ARFGEF1: variants seen among roughly 807,000 people sequenced by gnomAD.
ARFGEF1 encodes ARF guanine nucleotide exchange factor 1, also known as brefeldin A-inhibited guanine nucleotide-exchange protein 1.
Under a neutral mutation model 231.0 loss-of-function variants are expected in ARFGEF1, and 42 were observed. The ratio of observed to expected loss-of-function variants is 0.18; its 90% CI spans 0.14 to 0.24. The LOEUF (loss-of-function observed/expected upper bound fraction) is 0.24, where lower values mean the gene tolerates loss of function less well. Ranked by LOEUF, ARFGEF1 falls within the 10% of genes least tolerant of loss-of-function variation. ARFGEF1 has a pLI of 1.00. For synonymous variants in ARFGEF1, 710 were observed against 732.3 expected (o/e 0.97, Z 0.49); for missense variants, 1,345 against 2,192.0 (o/e 0.61, Z 7.72).
At chr8:67,266,405 C>T (rs1804854426) in intron 13 of ARFGEF1, among the ~76,000 whole-genome samples, 198 bp from the exon 14 acceptor site, 1 of 152,134 alleles carries the variant, frequency 6.6e-6, no homozygotes, top group Non-Finnish European at 1.5e-5. Flanking sequence ...GTATAGTCTG[C>T]ACCATTAGGA....
At chr8:67,338,158 TC>T (rs1227079976) in intron 1 of ARFGEF1, among the ~76,000 whole-genome samples, 1 of 152,152 alleles carries the variant, frequency 6.6e-6, no homozygotes, top group Non-Finnish European at 1.5e-5. Flanking sequence ...CAGCAAACAG[TC>T]CTCTGATCTC....
downstream of ARFGEF1, among the ~76,000 whole-genome samples, chr8:67,194,378 A>G (rs764812495): frequency 3.9e-5 from 6 of 152,186 alleles, no homozygotes; most frequent in Middle Eastern, 3.2e-3. Context: ...CTCATATACT[A>G]TCTATCTAGC....
At chr8:67,215,020 CA>C (rs1005906307) in intron 33 of ARFGEF1, among the ~76,000 whole-genome samples, 50 of 152,312 alleles carry the variant, frequency 3.3e-4, no homozygotes, top group African/African-American at 1.1e-3. Context: ...TGCTAAGTTT[CA>C]ACCTTGCTTA....
At chr8:67,337,846 T>A (rs989101341) in intron 1 of ARFGEF1, among the ~76,000 whole-genome samples, 4 of 152,182 alleles carry the variant, frequency 2.6e-5, no homozygotes, top group Admixed American at 1.3e-4. Flanking sequence ...CCCACTAGAA[T>A]GTGTGTTCTA....
intron 18 of ARFGEF1, 37 bp downstream of exon 18, chr8:67,253,414 C>A (rs1303420745): frequency 2.1e-6 from 3 of 1,435,724 alleles, no homozygotes; most frequent in South Asian, 1.3e-5. Context: ...TATTTTTCCC[C>A]TTGAACAATC....
intron 1 of ARFGEF1, among the ~76,000 whole-genome samples, chr8:67,324,587 T>C (rs1314826620): frequency 6.6e-6 from 1 of 152,226 alleles, no homozygotes; most frequent in Non-Finnish European, 1.5e-5. Flanking sequence ...CAATTATTCT[T>C]CCTTTGGGTT....
intron 5 of ARFGEF1, among the ~76,000 whole-genome samples, chr8:67,182,627 C>G (rs1833341058): frequency 6.6e-6 from 1 of 152,228 alleles, no homozygotes; most frequent in Non-Finnish European, 1.5e-5. Context: ...GTTCCGATTT[C>G]TCTACATCCT....
downstream of ARFGEF1, chr8:67,195,578 G>A (rs761243317): frequency 6.8e-6 from 11 of 1,613,878 alleles, no homozygotes; most frequent in Middle Eastern, 3.3e-4. Context: ...AGGGCCTGTC[G>A]ACTGCACATG....
intron 34 of ARFGEF1, chr8:67,207,045 G>A (rs1381354253): frequency 1.3e-5 from 2 of 151,966 alleles, no homozygotes; most frequent in Admixed American, 6.6e-5. Flanking sequence ...TCTATTTAAC[G>A]TTTAGTTCTT....
At position 67,343,608 on chromosome 8, in the gene ARFGEF1, G is replaced by T; in HGVS notation, c.-321C>A. Reference sequence around the variant, plus strand: ...TCCCTCCGGCCCTGGTGGCGGTGAGGGAGCCCGGCCCGGGCGGCTGTCTGC... The same window carrying T: ...TCCCTCCGGCCCTGGTGGCGGTGAGTGAGCCCGGCCCGGGCGGCTGTCTGC... On this transcript the variant is annotated 5_prime_UTR_variant, in exon 1 of 39. Transcript: ENST00000262215. 1 of 1,049,010 alleles carries T rather than the reference G, an allele frequency of 9.5e-7. No individual in the cohort carries two copies. Among genetic ancestry groups the T allele is most frequent in the Non-Finnish European group, 1.1e-6 (1 of 871,510 alleles). The allele number at this position is 1,049,010 out of a possible 1,614,324, so 65.0% of individuals were successfully genotyped here. A position where few individuals can be genotyped will look rare whatever the true frequency, so the allele number is the denominator to read the frequency against.
At chr8:67,320,535 G>T (rs1347236574) in intron 1 of ARFGEF1, among the ~76,000 whole-genome samples, 1 of 152,158 alleles carries the variant, frequency 6.6e-6, no homozygotes, top group Non-Finnish European at 1.5e-5. Flanking sequence ...GAAAACTTAA[G>T]TTTATGTAAA....
intron 26 of ARFGEF1, 25 bp downstream of exon 26, chr8:67,227,422 T>A: frequency 6.2e-7 from 1 of 1,607,392 alleles, no homozygotes; most frequent in Non-Finnish European, 8.5e-7. Context: ...TTTCCTTCTA[T>A]TAAGCAATTC....
chr8:67,218,301 C>T (rs996325184), intron 30 of ARFGEF1, among the ~76,000 whole-genome samples, 163 bp from the exon 31 acceptor site: 49 of 144,208 alleles, frequency 3.4e-4, no homozygotes, highest in Admixed American at 9.8e-4. Context: ...CCCTCTAGAA[C>T]GTTATATTCA....
In ARFGEF1 at chr8:67,339,559, C is replaced by G. The variant is rs541857892; in HGVS notation, c.124+3605G>C. Among the ~76,000 whole-genome samples the G allele has an allele frequency of 2.2e-4, 34 of 152,096 alleles. No homozygotes were observed. The South Asian group carries it at 4.2e-3, about 19-fold the overall frequency. On this transcript the variant is annotated intron_variant, in intron 1 of 38. Coordinates refer to ENST00000262215, the MANE Select transcript of ARFGEF1 (RefSeq NM_006421.5). The stretch of plus-strand genomic sequence containing the variant: ...CCTTCAAGCCCAATCCCACAACAAT[C>G]CTAAATTCTTTGAAACTAAAAATAG...
At chr8:67,236,491 G>C (rs1839774559) in intron 22 of ARFGEF1, among the ~76,000 whole-genome samples, 1 of 146,584 alleles carries the variant, frequency 6.8e-6, no homozygotes, top group African/African-American at 2.5e-5. Context: ...ACAACATTCT[G>C]CTCCAGAAAG....
chr8:67,303,733 A>AT (rs1178333688), intron 1 of ARFGEF1, among the ~76,000 whole-genome samples: 2 of 151,698 alleles, frequency 1.3e-5, no homozygotes, highest in Admixed American at 6.6e-5. Context: ...AAAAAAAATA[A>AT]TAATTAATTA....
At chr8:67,296,654 C>CTTT in intron 4 of ARFGEF1, 44 bp from the exon 5 acceptor site, 12 of 1,168,910 alleles carry the variant, frequency 1.0e-5, no homozygotes, top group Admixed American at 5.8e-5. Context: ...TTTTCTTTTT[C>CTTT]TTTTTTTTTT....
chr8:67,219,414 A>T lies in ARFGEF1; in HGVS notation c.4338+17T>A. The T allele has an allele frequency of 6.2e-7, 1 of 1,601,382 alleles. No homozygotes were observed. Among genetic ancestry groups the T allele is most frequent in the Non-Finnish European group, 8.5e-7 (1 of 1,175,892 alleles). On this transcript the variant is annotated intron_variant, in intron 30 of 38. Transcript: ENST00000262215. ...TTTAACTTGACTAAGCTAAATGAAA[A>T]TTGTGTATCCTCTTACCTCTGTCTG...
intron 4 of ARFGEF1, among the ~76,000 whole-genome samples, chr8:67,298,900 G>A (rs1417107095): frequency 6.6e-6 from 1 of 152,108 alleles, no homozygotes; most frequent in Non-Finnish European, 1.5e-5. Context: ...TGAGTGGCTG[G>A]AACTACAGGT....
Sources: allele counts gnomAD v4.1 joint callset (sites outside exome capture counted in the v4.1 genomes callset), GRCh38; gene constraint gnomAD v4.1.1; transcripts MANE v1.5; gene names NCBI Gene and HGNC (gene_info 2026-07-23, HGNC 2026-07-21).